TTC23: variants seen among roughly 807,000 people sequenced by gnomAD.
TTC23 encodes the protein tetratricopeptide repeat domain 23, also known as tetratricopeptide repeat protein 23.
A neutral mutation model predicts 55.1 loss-of-function variants in TTC23; 58 were observed. The ratio of observed to expected loss-of-function variants is 1.05; its 90% CI spans 0.85 to 1.31. TTC23 has a LOEUF of 1.31. TTC23 is among the 50% of genes most tolerant of loss of function. The pLI is 0.00. For synonymous variants in TTC23, 203 were observed against 199.9 expected (o/e 1.02, Z -0.13); for missense variants, 516 against 534.4 (o/e 0.97, Z 0.34).
At chr15:99,221,641 A>G (rs141582114) in intron 6 of TTC23, 100 bp downstream of exon 6, 1 of 1,451,184 alleles carries the variant, frequency 6.9e-7, no homozygotes, top group Non-Finnish European at 9.4e-7. Context: ...AGAAAGGAGA[A>G]TATTAAAAAA....
intron 8 of TTC23, among the ~76,000 whole-genome samples, chr15:99,201,167 T>C (rs546011704): frequency 2.0e-5 from 3 of 152,280 alleles, no homozygotes; most frequent in Non-Finnish European, 4.4e-5. Context: ...TACTTTTATA[T>C]CATAAAAATG....
upstream of TTC23, among the ~76,000 whole-genome samples, chr15:99,250,755 C>G (rs1178727013): frequency 6.6e-6 from 1 of 152,166 alleles, no homozygotes; most frequent in East Asian, 1.9e-4. Context: ...TTGTTCCTGA[C>G]CTTTTTAGCA....
At chr15:99,142,586 C>G (rs1220244493) in intron 12 of TTC23, among the ~76,000 whole-genome samples, 1 of 152,188 alleles carries the variant, frequency 6.6e-6, no homozygotes, top group Non-Finnish European at 1.5e-5. Context: ...TCTGCCTTAA[C>G]AGATTGCCTT....
chr15:99,232,654 A>G (rs1485761149), intron 4 of TTC23, among the ~76,000 whole-genome samples: 1 of 152,136 alleles, frequency 6.6e-6, no homozygotes, highest in Non-Finnish European at 1.5e-5. Context: ...AGAAAGATAC[A>G]TGTTGGTGAA....
At chr15:99,234,810 T>G (rs1479156823) in intron 4 of TTC23, among the ~76,000 whole-genome samples, 178 bp downstream of exon 4, 2 of 152,048 alleles carry the variant, frequency 1.3e-5, no homozygotes, top group Admixed American at 1.3e-4. Context: ...ACTCATCAAT[T>G]AGAATGACTA....
intron 10 of TTC23, among the ~76,000 whole-genome samples, chr15:99,162,456 A>G (rs2071502240): frequency 6.6e-6 from 1 of 152,228 alleles, no homozygotes; most frequent in African/African-American, 2.4e-5. Flanking sequence ...AACCTCAGGT[A>G]TGGAAAATGA....
chr15:99,180,602 C>T (rs567247464), intron 9 of TTC23, among the ~76,000 whole-genome samples: 6 of 152,326 alleles, frequency 3.9e-5, no homozygotes, highest in African/African-American at 1.4e-4. Context: ...ATGAGAGACA[C>T]TTCTATTTCT....
chr15:99,182,828 TAA>T (rs35493362), intron 9 of TTC23, among the ~76,000 whole-genome samples: 1 of 148,926 alleles, frequency 6.7e-6, no homozygotes. Context: ...AGTTATTACT[TAA>T]AAAAAAAAAC....
At chr15:99,188,910 T>G (rs2074985800) in intron 9 of TTC23, among the ~76,000 whole-genome samples, 1 of 152,136 alleles carries the variant, frequency 6.6e-6, no homozygotes, top group African/African-American at 2.4e-5. Flanking sequence ...GGCAACGTAG[T>G]AGTAGAATTC....
At chr15:99,196,095 T>A (rs2075680567) in intron 9 of TTC23, among the ~76,000 whole-genome samples, 1 of 147,824 alleles carries the variant, frequency 6.8e-6, no homozygotes, top group Non-Finnish European at 1.5e-5. Flanking sequence ...AAGGCTGCAG[T>A]GAGCCAAGAT....
At chr15:99,140,931 G>C (rs2068158516) in intron 12 of TTC23, 1 of 152,072 alleles carries the variant, frequency 6.6e-6, no homozygotes, top group Non-Finnish European at 1.5e-5. Flanking sequence ...CCTCTCAATA[G>C]AATAACACTC....
At chr15:99,140,685 G>C (rs1175724052) in intron 12 of TTC23, 2 of 152,136 alleles carry the variant, frequency 1.3e-5, no homozygotes, top group African/African-American at 4.8e-5. Flanking sequence ...ATACGATCTT[G>C]AGGTAGGGAA....
chr15:99,138,729 C>T (rs983521185), intron 13 of TTC23, among the ~76,000 whole-genome samples: 4 of 152,218 alleles, frequency 2.6e-5, no homozygotes, highest in Admixed American at 6.5e-5. Flanking sequence ...CACTGGAGGC[C>T]TCCCTGGCTC....
intron 9 of TTC23, among the ~76,000 whole-genome samples, chr15:99,192,788 G>A (rs999061567): frequency 1.8e-4 from 27 of 152,192 alleles, no homozygotes; most frequent in Non-Finnish European, 3.4e-4. Flanking sequence ...TAGATCCATT[G>A]ACAGTTTGCA....
intron 5 of TTC23, among the ~76,000 whole-genome samples, chr15:99,223,562 ACT>A (rs1057301580): frequency 6.6e-6 from 1 of 152,090 alleles, no homozygotes; most frequent in African/African-American, 2.4e-5. Flanking sequence ...GAGGAAATAA[ACT>A]CTGTTCTTTA....
At chr15:99,180,932 G>A (rs1312842405) in intron 9 of TTC23, among the ~76,000 whole-genome samples, 11 of 152,214 alleles carry the variant, frequency 7.2e-5, no homozygotes, top group African/African-American at 2.7e-4. Context: ...CTGAGGGTGA[G>A]CACTGGAGGG....
intron 6 of TTC23, 138 bp from the exon 7 acceptor site, chr15:99,219,186 T>G: frequency 1.1e-6 from 1 of 934,764 alleles, no homozygotes; most frequent in Non-Finnish European, 1.6e-6. Flanking sequence ...CTGGGCAGCA[T>G]GAAACACTGC....
chr15:99,200,052 T>G lies in TTC23; in HGVS notation c.626A>C (p.Tyr209Ser). The G allele has an allele frequency of 1.9e-6, 3 of 1,613,018 alleles. No homozygotes were observed. The highest frequency in any genetic ancestry group is 2.5e-6 in the Non-Finnish European group (3 of 1,179,370). ...CTCAACATATTCCAAAGCTGCTTGA[T>G]AGTGGGACAAAGCTTCTTTTGACTT... ...QKKSKEALSHYQAALEYVEIS... is the reference protein window; with the variant it reads ...QKKSKEALSHSQAALEYVEIS... The change falls in exon 9 of 14, where the codon TAT becomes TCT. Residue 209 changes from tyrosine to serine, a missense_variant. By Grantham distance (144) the Tyr-to-Ser change is moderately radical (BLOSUM62 -2). Transcript: ENST00000394132.
intron 2 of TTC23, among the ~76,000 whole-genome samples, chr15:99,244,053 T>C (rs993878240): frequency 6.6e-6 from 1 of 152,224 alleles, no homozygotes; most frequent in Non-Finnish European, 1.5e-5. Context: ...GTGATTACTA[T>C]ACATTGTATG....
Sources: gnomAD v4.1 joint callset for allele counts (sites outside exome capture counted in the v4.1 genomes callset) on GRCh38, gnomAD v4.1.1 for gene constraint, MANE v1.5 for transcripts, NCBI Gene and HGNC (gene_info 2026-07-23, HGNC 2026-07-21) for gene names.